Variants in FLG observed in about 807,000 individuals in gnomAD.
FLG encodes the protein epidermal filaggrin.
In FLG, 6 loss-of-function variants were observed where a neutral mutation model predicts 3.8. That is an observed-to-expected ratio of 1.60 (90% CI 0.87 to 3.15). The LOEUF is 3.15. Among genes scored for constraint, FLG ranks in the 30% most tolerant of loss-of-function variants. FLG has a pLI of 0.00. For synonymous variants in FLG, 2,551 were observed against 1,931.6 expected, an observed-to-expected ratio of 1.32 and a Z score of -8.41; for missense variants, 7,595 against 5,050.9, an observed-to-expected ratio of 1.50 and a Z score of -15.27.
intron 1 of FLG, among the ~76,000 whole-genome samples, chr1:152,319,599 T>C (rs1652891382): frequency 6.6e-6 from 1 of 151,476 alleles, no homozygotes; most frequent in African/African-American, 2.4e-5. Context: ...GAGAAACACT[T>C]GTATTACCTT....
rs1652443796 is a variant in FLG, at chr1:152,311,718, A to T, written c.3168T>A (p.Ser1056=). ...HSGIPRRQAS[S]AVRDSGHWGS... ...CCCAGTGTCCACTGTCTCTGACTGC[A>T]GATGAAGCTTGTCTGCGCGGAATGC... The change falls in exon 3 of 3, where the codon TCT becomes TCA. Residue 1056 remains serine, a synonymous_variant. Transcript: ENST00000368799. 4.3e-6 allele frequency: 7 copies of T among 1,613,836 alleles called. No homozygotes were observed. The highest frequency in any genetic ancestry group is 5.9e-6 in the Non-Finnish European group (7 of 1,179,988).
At chr1:152,324,332 G>A (rs905747615) in intron 1 of FLG, among the ~76,000 whole-genome samples, 1 of 151,814 alleles carries the variant, frequency 6.6e-6, no homozygotes, top group Non-Finnish European at 1.5e-5. Flanking sequence ...CTCTTTACAT[G>A]AGCTACGCTG....
rs752409794 is a variant in FLG, at chr1:152,308,172, G to C, written c.6714C>G (p.Pro2238=). The C allele has an allele frequency of 1.9e-6, 3 of 1,613,974 alleles. No homozygotes were observed. The highest frequency in any genetic ancestry group is 2.7e-5 in the African/African-American group (2 of 74,962). ...TGTCCTGGCTAACACTGGATCCCCG[G>C]GGCCTGCTTGTCCTGGGCCCTGATG... is the stretch of plus-strand genomic sequence containing the variant. The part of the protein sequence containing the change: ...GQSSGPRTSR[P]RGSSVSQDSD... Residue 2238 remains proline (P), a synonymous_variant, in exon 3 of 3, where the codon CCC becomes CCG. Transcript: ENST00000368799.
intron 1 of FLG, among the ~76,000 whole-genome samples, chr1:152,323,643 A>G (rs1352532086): frequency 6.6e-6 from 1 of 151,694 alleles, no homozygotes; most frequent in Non-Finnish European, 1.5e-5. Context: ...ATCCTTGACA[A>G]TACCAAATAT....
intron 1 of FLG, among the ~76,000 whole-genome samples, chr1:152,321,595 T>C (rs1652980115): frequency 6.6e-6 from 1 of 151,134 alleles, no homozygotes; most frequent in Non-Finnish European, 1.5e-5. Context: ...GAAAAACACT[T>C]GTTACCAAAA....
chr1:152,313,205 G>A lies in FLG; in HGVS notation c.1681C>T (p.Gln561Ter), dbSNP rs755761586. The A allele has an allele frequency of 1.2e-6, 2 of 1,613,854 alleles. No homozygotes were observed. Among genetic ancestry groups the A allele is most frequent in the African/African-American group, 1.3e-5 (1 of 74,866 alleles). The change falls in exon 3 of 3, where the codon CAG becomes TAG. Residue 561 changes from glutamine to a stop codon, truncating the protein, a stop_gained. Coordinates refer to ENST00000368799, the MANE Select transcript of FLG (RefSeq NM_002016.2). LOFTEE classifies it low-confidence loss of function (END_TRUNC). ...SQGRSDASHG[Q>*]SGSRSASRQT... The stretch of plus-strand genomic sequence containing the variant: ...CTGCTTGCACTTCTGGATCCTGACT[G>A]CCCATGGGAGGCATCAGACCTTCCC...
chr1:152,307,533 C>T lies in FLG; in HGVS notation c.7353G>A (p.Arg2451=), dbSNP rs755648461. Residue 2451 remains arginine (R), a synonymous_variant, in exon 3 of 3, where the codon AGG becomes AGA. Coordinates refer to ENST00000368799, the MANE Select transcript of FLG (RefSeq NM_002016.2). ...CCTGACCCTCTTGGGACGTTGAGTG[C>T]CTGGAGCTGTCTCGTGCCTGCTTGT... The part of the protein sequence containing the change: ...SHHKQARDSS[R]HSTSQEGQDT... 1.9e-6 allele frequency: 3 copies of T among 1,613,530 alleles called. No homozygotes were observed. In the South Asian group the frequency reaches 3.3e-5, roughly 18 times the overall value.
rs546421276 is a variant in FLG, at chr1:152,311,695, C to T, written c.3191G>A (p.Trp1064Ter). The T allele has an allele frequency of 7.4e-5, 120 of 1,614,042 alleles. No homozygotes were observed. In the South Asian group the frequency reaches 1.3e-3, roughly 17 times the overall value. Reference protein sequence around the residue: ...ASSAVRDSGHWGSSGSQASDS... With the variant: ...ASSAVRDSGH ...ACTGGCCTGACTACCACTGGACCCC[C>T]AGTGTCCACTGTCTCTGACTGCAGA... Residue 1064 changes from tryptophan to a stop codon, truncating the protein, a stop_gained, in exon 3 of 3, where the codon TGG (tryptophan) becomes TAG (stop). Transcript: ENST00000368799. LOFTEE classifies it low-confidence loss of function (END_TRUNC).
rs760013093 is a variant in FLG, at chr1:152,307,646, A to T, written c.7240T>A (p.Phe2414Ile). Residue 2414 changes from phenylalanine (F) to isoleucine (I), a missense_variant, in exon 3 of 3, where the codon TTC (phenylalanine) becomes ATC (isoleucine). Transcript: ENST00000368799. ...SAGRSGRSGS[F>I]LYQVSTHEQS... Reference sequence around the variant, plus strand: ...TCATGAGTGCTCACCTGGTAGAGGAAAGACCCTGAACGTCCAGACCTTCCT... The same window carrying T: ...TCATGAGTGCTCACCTGGTAGAGGATAGACCCTGAACGTCCAGACCTTCCT... The T allele has an allele frequency of 1.2e-6, 2 of 1,613,038 alleles. No homozygotes were observed. The highest frequency in any genetic ancestry group is 2.2e-5 in the South Asian group (2 of 90,990).
In FLG at chr1:152,313,230, C is replaced by G; in HGVS notation, c.1656G>C (p.Gln552His). The G allele has an allele frequency of 6.2e-7, 1 of 1,613,862 alleles. No homozygotes were observed. Among genetic ancestry groups the G allele is most frequent in the Non-Finnish European group, 8.5e-7 (1 of 1,180,004 alleles). Residue 552 changes from glutamine (Q) to histidine (H), a missense_variant, in exon 3 of 3, where the codon CAG (glutamine) becomes CAC (histidine). By Grantham distance (24) the Gln-to-His change is conservative. Transcript: ENST00000368799. ...GCCCATGGGAGGCATCAGACCTTCCCTGGGATGTGGTGTGGCTGTGATGGG... is the reference window on the plus strand; with the variant it reads ...GCCCATGGGAGGCATCAGACCTTCCGTGGGATGTGGTGTGGCTGTGATGGG... The part of the protein sequence containing the change: ...SGSHHSHTTS[Q>H]GRSDASHGQS...
In FLG at chr1:152,303,941, A is replaced by G. The variant is rs1464555404; in HGVS notation, c.10945T>C (p.Ser3649Pro). The change falls in exon 3 of 3, where the codon TCT becomes CCT. Residue 3649 changes from serine (S) to proline (P), a missense_variant. Transcript: ENST00000368799. ...HSGIGHGQAS[S>P]AVRDSGHRGS... ...CGGTGTCCACTGTCTCTGACTGCAG[A>G]TGAAGCTTGTCCGTGCCCAATGCCT... The G allele has an allele frequency of 1.9e-6, 3 of 1,613,596 alleles. No individual in the cohort carries two copies. In the African/African-American group the frequency reaches 4.0e-5, roughly 22 times the overall value.
In FLG at chr1:152,311,170, T is replaced by G. The variant is rs139432673; in HGVS notation, c.3716A>C (p.Glu1239Ala). The change falls in exon 3 of 3, where the codon GAA becomes GCA. Residue 1239 changes from glutamate to alanine, a missense_variant. Coordinates refer to ENST00000368799, the MANE Select transcript of FLG (RefSeq NM_002016.2). Reference sequence around the variant, plus strand: ...AGAGCTGTCAGCCCAAGAGGCAGCTTCATGGTGACGTGACCCTGAGTGCCT... The same window carrying G: ...AGAGCTGTCAGCCCAAGAGGCAGCTGCATGGTGACGTGACCCTGAGTGCCT... ...GSRHSGSRHH[E>A]AASWADSSRH... 5.8e-4 allele frequency: 944 copies of G among 1,613,868 alleles called. 5 individuals are homozygous for G. The Middle Eastern group carries it at 0.011, about 19-fold the overall frequency.
Position 152,310,891 on chromosome 1 carries a change from T to C in FLG, c.3995A>G (p.His1332Arg), listed in dbSNP as rs766934647. ...SADSSRQSGT[H>R]HTESSSHGQA... is the part of the protein sequence containing the mutation. ...TCCATGAGAGGAAGACTCTGTGTGA[T>C]GAGTGCCTGATTGTCTGGAGCTGTC... Residue 1332 changes from histidine (H) to arginine (R), a missense_variant, in exon 3 of 3, where the codon CAT (histidine) becomes CGT (arginine). By Grantham distance (29) the His-to-Arg change is conservative (BLOSUM62 0). Coordinates refer to ENST00000368799, the MANE Select transcript of FLG (RefSeq NM_002016.2). 1.7e-5 allele frequency: 28 copies of C among 1,613,392 alleles called. No individual in the cohort carries two copies. Among genetic ancestry groups the C allele is most frequent in the East Asian group, 4.5e-5 (2 of 44,864 alleles).
In FLG at chr1:152,304,945, C is replaced by T; in HGVS notation, c.9941G>A (p.Arg3314Lys). The change falls in exon 3 of 3, where the codon AGA (arginine) becomes AAA (lysine). Residue 3314 changes from arginine to lysine, a missense_variant. Transcript: ENST00000368799. ...SRHQQSADSS[R>K]HSGIPRGQAS... is the part of the protein sequence containing the mutation. Reference sequence around the variant, plus strand: ...TTGTCCACGCGGAATGCCTGAGTGTCTGGAGCTGTCTGCTGACTGCTGGTG... The same window carrying T: ...TTGTCCACGCGGAATGCCTGAGTGTTTGGAGCTGTCTGCTGACTGCTGGTG... 1 of 1,613,892 alleles carries T rather than the reference C, an allele frequency of 6.2e-7. No individual in the cohort carries two copies. Among genetic ancestry groups the T allele is most frequent in the Non-Finnish European group, 8.5e-7 (1 of 1,179,998 alleles).
chr1:152,311,048 AG>A lies in FLG; in HGVS notation c.3837del (p.Ser1280GlnfsTer166), dbSNP rs1064793675. ...CCAGACAACCTCTCGGAGTCGTCTG[AG>A]TGTCTCTCACTGTCACTGTCCTGGC... The part of the protein sequence containing the change: ...SVSQDSDSER[H>X]SDDSERLSGS... On this transcript the variant is annotated frameshift_variant, in exon 3 of 3. Coordinates refer to ENST00000368799, the MANE Select transcript of FLG (RefSeq NM_002016.2). LOFTEE classifies it low-confidence loss of function (END_TRUNC). The A allele has an allele frequency of 2.5e-6, 4 of 1,613,562 alleles. No individual in the cohort carries two copies. The highest frequency in any genetic ancestry group is 3.4e-6 in the Non-Finnish European group (4 of 1,179,892).
Position 152,310,089 on chromosome 1 carries a change from G to A in FLG, c.4797C>T (p.Asp1599=), listed in dbSNP as rs370333585. The A allele has an allele frequency of 1.2e-6, 2 of 1,613,950 alleles. No homozygotes were observed. The highest frequency in any genetic ancestry group is 1.7e-6 in the Non-Finnish European group (2 of 1,180,004). ...RQGSSVSQDR[D]SEGHSEDSER... ...CAGAGTCTTCTGAGTGTCCCTCACT[G>A]TCCCTGTCCTGACTAACACTGGATC... The change falls in exon 3 of 3, where the codon GAC becomes GAT. Residue 1599 remains aspartate (D), a synonymous_variant. Transcript: ENST00000368799.
At position 152,308,580 on chromosome 1, in the gene FLG, G is replaced by A. The variant is rs755285154; in HGVS notation, c.6306C>T (p.Ser2102=). ...TGCTGGGCGCAGACTGTCCATGGGT[G>A]GACTCAGACTGTTCATGAGTGCTCA... ...YQVSTHEQSE[S]THGQSAPSTG... Residue 2102 remains serine (S), a synonymous_variant, in exon 3 of 3, where the codon TCC becomes TCT. Coordinates refer to ENST00000368799, the MANE Select transcript of FLG (RefSeq NM_002016.2). 9.9e-6 allele frequency: 16 copies of A among 1,614,006 alleles called. No homozygotes were observed. In the South Asian group the frequency reaches 1.1e-4, roughly 11 times the overall value.
In FLG at chr1:152,311,438, G is replaced by A. The variant is rs755996559; in HGVS notation, c.3448C>T (p.Arg1150Ter). 4.5e-5 allele frequency: 73 copies of A among 1,613,686 alleles called. 1 individual carries two copies. Among genetic ancestry groups the A allele is most frequent in the Middle Eastern group, 1.7e-4 (1 of 6,056 alleles). Reference sequence around the variant, plus strand: ...GACGCTGAGTGCCTGGAGCTGTCTCGTGCCTGCTCGTGGTGGGATCCTTGT... The same window carrying A: ...GACGCTGAGTGCCTGGAGCTGTCTCATGCCTGCTCGTGGTGGGATCCTTGT... Reference protein sequence around the residue: ...RRQGSHHEQARDSSRHSASQE... With the variant: ...RRQGSHHEQA The change falls in exon 3 of 3, where the codon CGA becomes TGA. Residue 1150 changes from arginine to a stop codon, truncating the protein, a stop_gained. Coordinates refer to ENST00000368799, the MANE Select transcript of FLG (RefSeq NM_002016.2). LOFTEE classifies it low-confidence loss of function (END_TRUNC).
chr1:152,305,031 T>C lies in FLG; in HGVS notation c.9855A>G (p.Gly3285=). 1 of 1,613,948 alleles carries C rather than the reference T, an allele frequency of 6.2e-7. No individual in the cohort carries two copies. The highest frequency in any genetic ancestry group is 1.1e-5 in the South Asian group (1 of 91,030). Residue 3285 remains glycine (G), a synonymous_variant, in exon 3 of 3, where the codon GGA becomes GGG. Coordinates refer to ENST00000368799, the MANE Select transcript of FLG (RefSeq NM_002016.2). ...GTRHAETSSG[G]QAASSHEQAR... is the part of the protein sequence containing the mutation. ...CCTGTTCATGGGATGATGCAGCCTGTCCACCAGAGGAAGTCTCTGCGTGAC... is the reference window on the plus strand; with the variant it reads ...CCTGTTCATGGGATGATGCAGCCTGCCCACCAGAGGAAGTCTCTGCGTGAC...
Sources: allele counts gnomAD v4.1 joint callset (sites outside exome capture counted in the v4.1 genomes callset), GRCh38; gene constraint gnomAD v4.1.1; transcripts MANE v1.5; gene names NCBI Gene and HGNC (gene_info 2026-07-23, HGNC 2026-07-21).